PTPRU: variants seen among roughly 807,000 people sequenced by gnomAD.
The protein encoded by PTPRU is receptor-type tyrosine-protein phosphatase U.
PTPRU carries 69 observed loss-of-function variants against 166.3 expected under a neutral mutation model. The observed-to-expected ratio is 0.41, with a 90% CI of 0.34 to 0.51. The LOEUF (loss-of-function observed/expected upper bound fraction) is 0.51, where lower values mean the gene tolerates loss of function less well. Ranked by LOEUF, PTPRU falls within the 20% of genes least tolerant of loss-of-function variation. The pLI, the probability that PTPRU is intolerant of heterozygous loss-of-function variation, is 0.09. For synonymous variants in PTPRU, 793 were observed against 814.0 expected (o/e 0.97, Z 0.44); for missense variants, 1,657 against 2,013.7 (o/e 0.82, Z 3.39).
Position 29,304,793 on chromosome 1 carries a change from A to G in PTPRU, c.2687A>G (p.Asp896Gly), listed in dbSNP as rs186476406. The G allele has an allele frequency of 9.0e-5, 145 of 1,612,034 alleles. No individual in the cohort carries two copies. In the East Asian group the frequency reaches 3.0e-3, roughly 33 times the overall value. ...TGGTAGAGCTTCTTTGAAGGCTGGG[A>G]CGCCACAAAGAAGAAAGACAAGGTC... is the stretch of plus-strand genomic sequence containing the variant. ...QEYESFFEGW[D>G]ATKKKDKVKG... Residue 896 changes from aspartate (D) to glycine (G), a missense_variant, in exon 17 of 30, where the codon GAC becomes GGC. Asp to Gly is a moderately conservative substitution (Grantham distance 94, BLOSUM62 -1). Transcript: ENST00000373779.
At chr1:29,284,592 G>T (rs934404818) in intron 13 of PTPRU, 139 bp from the exon 14 acceptor site, 3 of 1,201,866 alleles carry the variant, frequency 2.5e-6, no homozygotes, top group Non-Finnish European at 3.6e-6. Context: ...AGGTAGATTT[G>T]CTCAAAAGGC....
chr1:29,324,301 G>T (rs1252917495), intron 28 of PTPRU, among the ~76,000 whole-genome samples: 1 of 152,198 alleles, frequency 6.6e-6, no homozygotes, highest in Non-Finnish European at 1.5e-5. Context: ...GTGGCAGGCT[G>T]GGCCTACTGG....
chr1:29,298,593 C>G (rs1175669999), intron 15 of PTPRU, among the ~76,000 whole-genome samples: 1 of 152,198 alleles, frequency 6.6e-6, no homozygotes, highest in Non-Finnish European at 1.5e-5. Context: ...TGCGAAAACC[C>G]TCAGATCCTC....
Position 29,280,100 on chromosome 1 carries a change from C to T in PTPRU, c.1827C>T (p.Thr609=), listed in dbSNP as rs148921515. Residue 609 remains threonine (T), a synonymous_variant, in exon 11 of 30, where the codon ACC becomes ACT. Coordinates refer to ENST00000373779, the MANE Select transcript of PTPRU (RefSeq NM_133178.4). This position sits in a 1 kb window ranked among gnomAD's most constrained non-coding sequence, Gnocchi z 4.2. ...SPLGESENTI[T]VLLRPAQGRG... is the part of the protein sequence containing the mutation. ...TGGGCGAGTCTGAGAACACCATCAC[C>T]GTGCTGCTGAGGCCGGCACAGGGCC... 1.2e-4 allele frequency: 192 copies of T among 1,613,610 alleles called. 1 individual carries two copies. The Middle Eastern group carries it at 1.8e-3, about 15-fold the overall frequency.
rs1393594057 is a variant in PTPRU, at chr1:29,304,832, A to G, written c.2726A>G (p.Gln909Arg). The change falls in exon 17 of 30, where the codon CAG (glutamine) becomes CGG (arginine). Residue 909 changes from glutamine (Q) to arginine (R), a missense_variant. Transcript: ENST00000373779. The stretch of plus-strand genomic sequence containing the variant: ...AAAGACAAGGTCAAGGGCAGCCGGC[A>G]GGAGCCAATGCCTGCCTGTGAGTCC... ...KKKDKVKGSR[Q>R]EPMPAYDRHR... 1 of 1,611,804 alleles carries G rather than the reference A, an allele frequency of 6.2e-7. No individual in the cohort carries two copies. The highest frequency in any genetic ancestry group is 1.1e-5 in the South Asian group (1 of 90,926).
chr1:29,269,031 T>G (rs1288981862), intron 7 of PTPRU, among the ~76,000 whole-genome samples: 2 of 151,810 alleles, frequency 1.3e-5, no homozygotes, highest in African/African-American at 4.8e-5. Context: ...GTGTTTTGTT[T>G]TAGTTTTTTG....
rs543681543 is a variant in PTPRU, at chr1:29,257,069, G to A, written c.206-1436G>A. On this transcript the variant is annotated intron_variant, in intron 2 of 29. Coordinates refer to ENST00000373779, the MANE Select transcript of PTPRU (RefSeq NM_133178.4). This position sits in a 1 kb window ranked among gnomAD's most constrained non-coding sequence, Gnocchi z 4.6. Reference sequence around the variant, plus strand: ...AGAGATGGAGAGAGGAGAAGGAAGAGCGACAGGGACAAAGGGAGTAAATGA... The same window carrying A: ...AGAGATGGAGAGAGGAGAAGGAAGAACGACAGGGACAAAGGGAGTAAATGA... Among the ~76,000 whole-genome samples the A allele has an allele frequency of 3.3e-4, 50 of 152,230 alleles. No individual in the cohort carries two copies. The highest frequency in any genetic ancestry group is 6.3e-4 in the Non-Finnish European group (43 of 68,014).
At chr1:29,316,237 G>A in intron 24 of PTPRU, 86 bp downstream of exon 24, 1 of 1,449,812 alleles carries the variant, frequency 6.9e-7, no homozygotes, top group Non-Finnish European at 9.4e-7. Flanking sequence ...GAGTCATTGA[G>A]GGCCAAGAAG....
intron 12 of PTPRU, among the ~76,000 whole-genome samples, chr1:29,283,562 C>T (rs1161831223): frequency 6.6e-6 from 1 of 152,170 alleles, no homozygotes; most frequent in Non-Finnish European, 1.5e-5. Flanking sequence ...CCGCCTCCTC[C>T]CTGAAGCCCC....
chr1:29,302,145 A>ATGTG (rs1345978784), intron 15 of PTPRU, among the ~76,000 whole-genome samples: 29 of 138,474 alleles, frequency 2.1e-4, no homozygotes, highest in African/African-American at 8.6e-4. Flanking sequence ...GCCTAGGCTA[A>ATGTG]TGTGTATGTG....
At position 29,248,946 on chromosome 1, in the gene PTPRU, G is replaced by A. The variant is rs76134977; in HGVS notation, c.74-6329G>A. ...GACTCTTGCTCACGTGCACACTCAC[G>A]CAACTGCAACCGGTCATCTGACCTT... is the stretch of plus-strand genomic sequence containing the variant. On this transcript the variant is annotated intron_variant, in intron 1 of 29. Coordinates refer to ENST00000373779, the MANE Select transcript of PTPRU (RefSeq NM_133178.4). Among the ~76,000 whole-genome samples the A allele has an allele frequency of 5.9e-3, 898 of 152,178 alleles. 10 individuals are homozygous for A. Among genetic ancestry groups the A allele is most frequent in the African/African-American group, 0.021 (854 of 41,524 alleles).
chr1:29,256,431 G>C (rs1684774468), intron 2 of PTPRU, among the ~76,000 whole-genome samples: 1 of 152,212 alleles, frequency 6.6e-6, no homozygotes, highest in Non-Finnish European at 1.5e-5. Flanking sequence ...CTAGTGCCCA[G>C]GGTGTTTACT....
chr1:29,318,319 C>A (rs2151969648), intron 25 of PTPRU, among the ~76,000 whole-genome samples: 1 of 152,310 alleles, frequency 6.6e-6, no homozygotes, highest in African/African-American at 2.4e-5. Context: ...CAGGACCAGG[C>A]CTGGGACAGT....
chr1:29,246,806 A>G (rs1684318202), intron 1 of PTPRU, among the ~76,000 whole-genome samples: 1 of 151,910 alleles, frequency 6.6e-6, no homozygotes, highest in African/African-American at 2.4e-5. Flanking sequence ...ACTGGAGACG[A>G]GGTTTCACCA....
intron 18 of PTPRU, among the ~76,000 whole-genome samples, chr1:29,307,677 A>G (rs1341937524): frequency 6.8e-6 from 1 of 147,340 alleles, no homozygotes; most frequent in African/African-American, 2.5e-5. Context: ...CGACCATTTT[A>G]CCCTCAATTT....
chr1:29,287,835 CAG>C (rs1686431492), intron 14 of PTPRU, among the ~76,000 whole-genome samples: 1 of 151,276 alleles, frequency 6.6e-6, no homozygotes, highest in Admixed American at 6.6e-5. Flanking sequence ...TTTTTTGAGA[CAG>C]AGTTTTGCTC....
intron 8 of PTPRU, among the ~76,000 whole-genome samples, chr1:29,277,467 G>A (rs1417231855): frequency 1.3e-5 from 2 of 152,132 alleles, no homozygotes; most frequent in Non-Finnish European, 2.9e-5. Context: ...TGTAGTCAGA[G>A]TATATACTCT....
chr1:29,299,750 T>C (rs1441511598), intron 15 of PTPRU, among the ~76,000 whole-genome samples: 1 of 152,218 alleles, frequency 6.6e-6, no homozygotes, highest in African/African-American at 2.4e-5. Flanking sequence ...CGGCCCACTT[T>C]CCACAAAGAG....
chr1:29,309,278 C>G (rs1254938655), intron 18 of PTPRU, among the ~76,000 whole-genome samples: 1 of 152,084 alleles, frequency 6.6e-6, no homozygotes, highest in Non-Finnish European at 1.5e-5. Context: ...CCGGGCCCCA[C>G]CCCAGACCTT....
Sources: gnomAD v4.1 joint callset for allele counts (sites outside exome capture counted in the v4.1 genomes callset) on GRCh38, gnomAD v4.1.1 for gene constraint, Gnocchi (gnomAD v3.1) non-coding constraint, MANE v1.5 for transcripts, NCBI Gene and HGNC (gene_info 2026-07-23, HGNC 2026-07-21) for gene names.